Variants in GSK3B observed in about 807,000 individuals in gnomAD.
The protein encoded by GSK3B is glycogen synthase kinase-3 beta.
Under a neutral mutation model 56.4 loss-of-function variants are expected in GSK3B, and 15 were observed. The ratio of observed to expected loss-of-function variants is 0.27; its 90% CI spans 0.18 to 0.41. GSK3B has a LOEUF of 0.41. Ranked by LOEUF, GSK3B falls within the 10% of genes least tolerant of loss-of-function variation. The probability of loss-of-function intolerance (pLI) is 1.00; values close to 1 mark genes in which losing one functional copy is unlikely to be tolerated. For synonymous variants in GSK3B, 181 were observed against 188.9 expected (o/e 0.96, Z 0.34); for missense variants, 300 against 513.4 (o/e 0.58, Z 4.02).
At chr3:120,035,872 T>C (rs961943831) in intron 1 of GSK3B, among the ~76,000 whole-genome samples, 1 of 152,212 alleles carries the variant, frequency 6.6e-6, no homozygotes. Flanking sequence ...TTAACTCTAA[T>C]AGATTTTTAG....
chr3:119,842,817 C>A (rs1285503745), intron 10 of GSK3B, among the ~76,000 whole-genome samples: 1 of 151,960 alleles, frequency 6.6e-6, no homozygotes, highest in Non-Finnish European at 1.5e-5. Flanking sequence ...AAATTTTATT[C>A]AGGTTTACTC....
intron 2 of GSK3B, among the ~76,000 whole-genome samples, chr3:119,986,733 T>C (rs2057520147): frequency 6.6e-6 from 1 of 152,224 alleles, no homozygotes; most frequent in Non-Finnish European, 1.5e-5. Context: ...ACACTGTTGG[T>C]GGCAGTGTAA....
chr3:119,893,019 A>G (rs1035135838), intron 7 of GSK3B, among the ~76,000 whole-genome samples: 1 of 151,920 alleles, frequency 6.6e-6, no homozygotes, highest in Non-Finnish European at 1.5e-5. Context: ...TTTACTATTT[A>G]TTTTTTGAGA....
intron 2 of GSK3B, among the ~76,000 whole-genome samples, chr3:119,997,759 A>G (rs976932833): frequency 6.6e-6 from 1 of 152,224 alleles, no homozygotes; most frequent in Non-Finnish European, 1.5e-5. Flanking sequence ...ATCAGCGGAA[A>G]AGAAAAGGAA....
intron 6 of GSK3B, among the ~76,000 whole-genome samples, chr3:119,910,456 A>C (rs937294471): frequency 6.6e-6 from 1 of 152,088 alleles, no homozygotes; most frequent in Non-Finnish European, 1.5e-5. Context: ...GTAATACATT[A>C]ACTTAAACAC....
At chr3:120,092,683 A>G (rs1203939361) in intron 1 of GSK3B, among the ~76,000 whole-genome samples, 4 of 152,230 alleles carry the variant, frequency 2.6e-5, no homozygotes, top group Non-Finnish European at 5.9e-5. Context: ...CACTTATCCA[A>G]TTGAACACAA....
chr3:120,034,015 C>A (rs9871347), intron 1 of GSK3B, among the ~76,000 whole-genome samples: 1 of 152,134 alleles, frequency 6.6e-6, no homozygotes, highest in Non-Finnish European at 1.5e-5. Context: ...TTATGTATAT[C>A]TTCCTTGTAG....
At chr3:120,029,325 G>A (rs1364070894) in intron 1 of GSK3B, 27 of 742,556 alleles carry the variant, frequency 3.6e-5, no homozygotes, top group Non-Finnish European at 5.5e-5. Context: ...CAGATATTTC[G>A]CATCTAATCC....
At chr3:119,854,233 G>A (rs746314495) in intron 9 of GSK3B, among the ~76,000 whole-genome samples, 10 of 152,044 alleles carry the variant, frequency 6.6e-5, no homozygotes, top group South Asian at 4.1e-4. Context: ...ATTGATTTGC[G>A]TATGATGAAC....
chr3:120,001,307 G>A (rs1240511040), intron 2 of GSK3B, among the ~76,000 whole-genome samples: 2 of 152,054 alleles, frequency 1.3e-5, no homozygotes, highest in Non-Finnish European at 2.9e-5. Flanking sequence ...TGAGACAGGC[G>A]ACTTGCCTGA....
chr3:120,006,511 G>A (rs1190530201), intron 1 of GSK3B, among the ~76,000 whole-genome samples: 1 of 152,118 alleles, frequency 6.6e-6, no homozygotes, highest in Non-Finnish European at 1.5e-5. Flanking sequence ...CACATAATTG[G>A]AAGTAAAGCA....
intron 1 of GSK3B, among the ~76,000 whole-genome samples, chr3:120,008,617 C>T (rs1008032017): frequency 2.0e-5 from 3 of 152,238 alleles, no homozygotes; most frequent in East Asian, 1.9e-4. Context: ...GAAAAGATTC[C>T]CTATTTAATA....
At chr3:119,845,096 T>C (rs1190731989) in intron 9 of GSK3B, among the ~76,000 whole-genome samples, 1 of 152,206 alleles carries the variant, frequency 6.6e-6, no homozygotes, top group East Asian at 1.9e-4. Flanking sequence ...CGAAGGCCTT[T>C]AATAAAATTC....
intron 2 of GSK3B, among the ~76,000 whole-genome samples, chr3:119,955,876 C>A (rs2057208957): frequency 6.6e-6 from 1 of 152,140 alleles, no homozygotes; most frequent in Non-Finnish European, 1.5e-5. Flanking sequence ...TGGTCTCGAA[C>A]TCCTGACCTC....
intron 7 of GSK3B, among the ~76,000 whole-genome samples, chr3:119,894,934 A>C (rs56076631): frequency 0.012 from 1,896 of 152,254 alleles, 19 homozygotes; most frequent in Non-Finnish European, 0.021. Context: ...GACGAATTAT[A>C]AGTGTATATA....
chr3:119,944,382 C>A (rs1356670253), intron 3 of GSK3B, among the ~76,000 whole-genome samples: 1 of 152,118 alleles, frequency 6.6e-6, no homozygotes, highest in Non-Finnish European at 1.5e-5. Flanking sequence ...AAACTGAAAC[C>A]TCAAGAAGAA....
At chr3:119,919,002 T>C (rs2056809716) in intron 4 of GSK3B, among the ~76,000 whole-genome samples, 1 of 151,116 alleles carries the variant, frequency 6.6e-6, no homozygotes, top group East Asian at 1.9e-4. Context: ...CCAACTCTCT[T>C]GTGTGATCAG....
intron 9 of GSK3B, among the ~76,000 whole-genome samples, chr3:119,846,262 C>G (rs2055853828): frequency 6.6e-6 from 1 of 152,078 alleles, no homozygotes; most frequent in South Asian, 2.1e-4. Flanking sequence ...GACTAAAACA[C>G]CAAAAGCAAT....
At chr3:119,955,279 G>C (rs1335229823) in intron 2 of GSK3B, among the ~76,000 whole-genome samples, 2 of 149,584 alleles carry the variant, frequency 1.3e-5, no homozygotes, top group African/African-American at 4.9e-5. Flanking sequence ...ATTTGCACAA[G>C]TATATTTTTA....
Sources: allele counts gnomAD v4.1 joint callset (sites outside exome capture counted in the v4.1 genomes callset), GRCh38; gene constraint gnomAD v4.1.1; transcripts MANE v1.5; gene names NCBI Gene and HGNC (gene_info 2026-07-23, HGNC 2026-07-21).